Variants in GIGYF2 observed in about 807,000 individuals in gnomAD.
GIGYF2 encodes the protein GRB10-interacting GYF protein 2.
A neutral mutation model predicts 208.1 loss-of-function variants in GIGYF2; 25 were observed. That is an observed-to-expected ratio of 0.12 (90% CI 0.09 to 0.17). The LOEUF (loss-of-function observed/expected upper bound fraction) is 0.17, where lower values mean the gene tolerates loss of function less well. Ranked by LOEUF, GIGYF2 falls within the 10% of genes least tolerant of loss-of-function variation. The pLI is 1.00. For missense variants in GIGYF2, 1,302 were observed against 1,579.4 expected (o/e 0.82, Z 2.98); for synonymous variants, 534 against 543.8 (o/e 0.98, Z 0.25).
chr2:232,710,218 C>CA (rs1696325600), intron 2 of GIGYF2, among the ~76,000 whole-genome samples: 1 of 152,042 alleles, frequency 6.6e-6, no homozygotes, highest in Admixed American at 6.6e-5. Context: ...CTCGGCCTCC[C>CA]AAAGTGCTGG....
In GIGYF2 at chr2:232,773,403, C is replaced by G. The variant is rs546138762; in HGVS notation, c.532+11967C>G. Among the ~76,000 whole-genome samples, 295 of 152,158 alleles carry G rather than the reference C, an allele frequency of 1.9e-3. 1 individual carries two copies. The highest frequency in any genetic ancestry group is 3.0e-3 in the Non-Finnish European group (202 of 68,000). ...CTCAGACAGATAAAAGAAATTTACA[C>G]AAGGCAAATAGGAGCTTTGGATTAT... On this transcript the variant is annotated intron_variant, in intron 8 of 28. Coordinates refer to ENST00000373563, the MANE Select transcript of GIGYF2 (RefSeq NM_001103146.3).
intron 8 of GIGYF2, among the ~76,000 whole-genome samples, chr2:232,775,004 A>G (rs1446307): frequency 0.16 from 24,976 of 152,010 alleles, 2,620 homozygotes; most frequent in Non-Finnish European, 0.22. Context: ...GCAACTAAAT[A>G]CATGGAAAAA....
chr2:232,729,600 C>CA, intron 2 of GIGYF2: 1 of 1,307,186 alleles, frequency 7.7e-7, no homozygotes, highest in Non-Finnish European at 1.1e-6. Context: ...TCCAGCTTAT[C>CA]TGTTCCAACT....
intron 28 of GIGYF2, among the ~76,000 whole-genome samples, chr2:232,853,049 T>G (rs996077440): frequency 2.6e-5 from 4 of 152,212 alleles, no homozygotes; most frequent in Non-Finnish European, 5.9e-5. Flanking sequence ...GTTATGAAAA[T>G]TACTGCTCAC....
At chr2:232,708,699 G>C (rs1469714151) in intron 2 of GIGYF2, among the ~76,000 whole-genome samples, 3 of 149,734 alleles carry the variant, frequency 2.0e-5, no homozygotes, top group African/African-American at 7.4e-5. Flanking sequence ...AAAAGTAGCT[G>C]GGCATGGTGG....
chr2:232,709,265 A>G (rs1192081000), intron 2 of GIGYF2, among the ~76,000 whole-genome samples: 1 of 152,240 alleles, frequency 6.6e-6, no homozygotes, highest in Admixed American at 6.5e-5. Context: ...TGCATTAAGT[A>G]GGCTCTCAGT....
At position 232,790,892 on chromosome 2, in the gene GIGYF2, T is replaced by A. The variant is rs776417666; in HGVS notation, c.907T>A (p.Ser303Thr). ...AEEEMGTFDS[S>T]GAFLSLKKVQ... ...AGAAGAAATGGGTACATTTGACTCATCTGGAGCATTCCTTTCTCTAAAAGT... is the reference window on the plus strand; with the variant it reads ...AGAAGAAATGGGTACATTTGACTCAACTGGAGCATTCCTTTCTCTAAAAGT... The change falls in exon 10 of 29, where the codon TCT becomes ACT. Residue 303 changes from serine to threonine, a missense_variant. Coordinates refer to ENST00000373563, the MANE Select transcript of GIGYF2 (RefSeq NM_001103146.3). 8.7e-6 allele frequency: 14 copies of A among 1,614,088 alleles called. No individual in the cohort carries two copies. Among genetic ancestry groups the A allele is most frequent in the Non-Finnish European group, 1.2e-5 (14 of 1,179,930 alleles).
chr2:232,777,728 G>A (rs1699572501), intron 8 of GIGYF2, among the ~76,000 whole-genome samples: 1 of 149,460 alleles, frequency 6.7e-6, no homozygotes, highest in Non-Finnish European at 1.5e-5. Flanking sequence ...TTCAGAACTA[G>A]GGAAGGTAAA....
chr2:232,798,460 A>T (rs980478203), intron 14 of GIGYF2, among the ~76,000 whole-genome samples: 1 of 152,190 alleles, frequency 6.6e-6, no homozygotes, highest in East Asian at 1.9e-4. Context: ...TGGTAGTTCT[A>T]TGCTTAGTTT....
chr2:232,852,272 G>A (rs184430846), intron 28 of GIGYF2, among the ~76,000 whole-genome samples: 3 of 152,194 alleles, frequency 2.0e-5, no homozygotes, highest in Admixed American at 6.5e-5. Context: ...GAAGCCAGAC[G>A]CGGTGACTCA....
At chr2:232,851,413 A>ATTTT (rs5839451) in intron 28 of GIGYF2, among the ~76,000 whole-genome samples, 5 of 149,088 alleles carry the variant, frequency 3.4e-5, no homozygotes, top group Admixed American at 2.0e-4. Flanking sequence ...TGAAACTAAC[A>ATTTT]TTTTTTTTTT....
Position 232,761,382 on chromosome 2 carries a change from T to C in GIGYF2, c.492-14T>C, listed in dbSNP as rs1559410209. ...CTGTGAGACTTTGTTTGAAACTTAT[T>C]TTTTCTTTTCCAGGGGTGACAGACG... On this transcript the variant is annotated splice_polypyrimidine_tract_variant and intron_variant, in intron 7 of 28. Coordinates refer to ENST00000373563, the MANE Select transcript of GIGYF2 (RefSeq NM_001103146.3). 1.9e-6 allele frequency: 3 copies of C among 1,590,962 alleles called. No individual in the cohort carries two copies. The highest frequency in any genetic ancestry group is 2.6e-6 in the Non-Finnish European group (3 of 1,159,298).
Position 232,794,840 on chromosome 2 carries a change from A to G in GIGYF2, c.1375A>G (p.Ser459Gly). The change falls in exon 13 of 29, where the codon AGT becomes GGT. Residue 459 changes from serine (S) to glycine (G), a missense_variant. By Grantham distance (56) the Ser-to-Gly change is moderately conservative. Around this residue, in one of 8 missense-constraint regions of GIGYF2, gnomAD observed 235 missense variants for 218.8 expected, o/e 1.07. Transcript: ENST00000373563. ...ACTTCCACCTCCTGTTCCCAATCCT[A>G]GTCCTACTCTCCGGCCAGTTGAAAC... is the stretch of plus-strand genomic sequence containing the variant. Reference protein sequence around the residue: ...LILPPPVPNPSPTLRPVETPV... With the variant: ...LILPPPVPNPGPTLRPVETPV... 1 of 1,613,626 alleles carries G rather than the reference A, an allele frequency of 6.2e-7. No homozygotes were observed. Among genetic ancestry groups the G allele is most frequent in the Non-Finnish European group, 8.5e-7 (1 of 1,179,606 alleles).
chr2:232,810,905 G>A (rs1684682004), intron 16 of GIGYF2: 1 of 254,796 alleles, frequency 3.9e-6, no homozygotes, highest in African/African-American at 2.3e-5. Flanking sequence ...TTTTTCATTT[G>A]ATTTCTGATA....
chr2:232,770,916 C>T, intron 8 of GIGYF2: 1 of 1,612,756 alleles, frequency 6.2e-7, no homozygotes, highest in Non-Finnish European at 8.5e-7. Context: ...TGATAAAAGC[C>T]TCTAGCATGA....
At chr2:232,717,412 A>G (rs1441278778) in intron 2 of GIGYF2, among the ~76,000 whole-genome samples, 7 of 152,188 alleles carry the variant, frequency 4.6e-5, no homozygotes, top group Non-Finnish European at 1.0e-4. Flanking sequence ...ATATACATGT[A>G]TATGTACTTT....
Position 232,814,569 on chromosome 2 carries a change from C to CA in GIGYF2, c.2108-1068_2108-1067insA, listed in dbSNP as rs961604311. ...CAGAGTGAGACTCCACCTCAAACCCCCCCCCCCCAAAAAAAAAGTACCTTC... is the reference window on the plus strand; with the variant it reads ...CAGAGTGAGACTCCACCTCAAACCCCACCCCCCCCAAAAAAAAAGTACCTTC... On this transcript the variant is annotated intron_variant, in intron 18 of 28. Coordinates refer to ENST00000373563, the MANE Select transcript of GIGYF2 (RefSeq NM_001103146.3). Among the ~76,000 whole-genome samples the CA allele has an allele frequency of 1.5e-4, 19 of 126,596 alleles. 3 individuals carry two copies. The highest frequency in any genetic ancestry group is 4.8e-4 in the African/African-American group (17 of 35,514). 83.1% of individuals were successfully genotyped at this position (126,596 alleles called of 152,430 possible).
At chr2:232,762,540 T>C (rs12999865) in intron 8 of GIGYF2, among the ~76,000 whole-genome samples, 99,579 of 151,926 alleles carry the variant, frequency 0.66, 32,940 homozygotes, top group South Asian at 0.79. Context: ...CATGAGCCAC[T>C]GTACCGGGCA....
intron 3 of GIGYF2, among the ~76,000 whole-genome samples, chr2:232,741,439 T>C (rs1232312182): frequency 6.6e-6 from 1 of 151,902 alleles, no homozygotes; most frequent in Non-Finnish European, 1.5e-5. Context: ...GCTTCCTTTT[T>C]TTTTTTTCTT....
Sources: gnomAD v4.1 joint callset for allele counts (sites outside exome capture counted in the v4.1 genomes callset) on GRCh38, gnomAD v4.1.1 for gene constraint, gnomAD v4.1.1 regional missense constraint, MANE v1.5 for transcripts, NCBI Gene and HGNC (gene_info 2026-07-23, HGNC 2026-07-21) for gene names.